C10orf53: variants seen among roughly 807,000 people sequenced by gnomAD.
C10orf53 encodes UPF0728 protein C10orf53.
A neutral mutation model predicts 9.4 loss-of-function variants in C10orf53; 8 were observed. That is an observed-to-expected ratio of 0.85 (90% CI 0.50 to 1.53). The LOEUF (loss-of-function observed/expected upper bound fraction) is 1.53. Among genes scored for constraint, C10orf53 ranks in the 40% most tolerant of loss-of-function variants. The pLI is 0.00. For missense variants in C10orf53, 117 were observed against 117.8 expected (o/e 0.99, Z 0.03); for synonymous variants, 48 against 46.0 (o/e 1.04, Z -0.18).
chr10:49,695,270 T>C lies in C10orf53; in HGVS notation c.*668T>C, dbSNP rs573496283. ...ATGTGAGATGGTTCCCTGGTCCCTC[T>C]GGAGTAGAACACAGCCCCATAGAGT... On this transcript the variant is annotated 3_prime_UTR_variant, in exon 3 of 3. Transcript: ENST00000374111. 2.6e-5 allele frequency: 4 copies of C among 152,476 alleles called. No homozygotes were observed. Among genetic ancestry groups the C allele is most frequent in the African/African-American group, 7.2e-5 (3 of 41,594 alleles). The allele number at this position is 152,476 out of a possible 1,614,324, so 9.4% of individuals were successfully genotyped here.
At chr10:49,705,167 TG>T (rs1010258277) in intron 2 of C10orf53, among the ~76,000 whole-genome samples, 24 of 152,248 alleles carry the variant, frequency 1.6e-4, no homozygotes, top group African/African-American at 5.8e-4. Flanking sequence ...AAGTATGGTG[TG>T]GAGGAATATA....
exon 3 of C10orf53, chr10:49,708,400 G>T: frequency 6.2e-7 from 1 of 1,614,156 alleles, no homozygotes; most frequent in East Asian, 2.2e-5. Context: ...ACCACCAGCA[G>T]CTCCAGGCTG....
Position 49,686,364 on chromosome 10 carries a change from G to A in C10orf53, c.97+6570G>A, listed in dbSNP as rs1382218035. ...ATTTTACAAATTGATTGTAAAATAT[G>A]TGTGTTTGAACAATATGAAATCAGT... On this transcript the variant is annotated intron_variant, in intron 1 of 2. Coordinates refer to ENST00000374111, the MANE Select transcript of C10orf53 (RefSeq NM_001042427.3). Among the ~76,000 whole-genome samples, 4 of 152,230 alleles carry A rather than the reference G, an allele frequency of 2.6e-5. No homozygotes were observed. In the East Asian group the frequency reaches 5.8e-4, roughly 22 times the overall value.
At chr10:49,702,225 AAGGG>A (rs756785421), downstream of C10orf53, among the ~76,000 whole-genome samples, 3,175 of 75,322 alleles carry the variant, frequency 0.042, 172 homozygotes, top group African/African-American at 0.12. Flanking sequence ...GGAAGGAAGG[AAGGG>A]AGGGAGGGAG....
exon 3 of C10orf53, chr10:49,709,531 A>C (rs926703943): frequency 6.6e-6 from 1 of 152,250 alleles, no homozygotes; most frequent in African/African-American, 2.4e-5. Flanking sequence ...AGTCCTTGAG[A>C]TCCTGGTTTC....
At chr10:49,697,582 T>G (rs540050968), downstream of C10orf53, among the ~76,000 whole-genome samples, 1 of 152,212 alleles carries the variant, frequency 6.6e-6, no homozygotes, top group Non-Finnish European at 1.5e-5. Flanking sequence ...GAGACAGTCT[T>G]GCTCTGTCAC....
chr10:49,687,417 C>T (rs1471518721), intron 1 of C10orf53, among the ~76,000 whole-genome samples: 1 of 152,224 alleles, frequency 6.6e-6, no homozygotes, highest in African/African-American at 2.4e-5. Flanking sequence ...CTCCTGCCTA[C>T]ATTTTTGGCA....
intron 1 of C10orf53, among the ~76,000 whole-genome samples, chr10:49,686,642 A>C (rs1464093934): frequency 6.6e-6 from 1 of 152,206 alleles, no homozygotes; most frequent in African/African-American, 2.4e-5. Context: ...TATCTGTCTT[A>C]TGCGGTTGAG....
exon 3 of C10orf53, chr10:49,708,413 A>G (rs1232641119): frequency 1.1e-5 from 17 of 1,614,032 alleles, no homozygotes; most frequent in Non-Finnish European, 1.4e-5. Context: ...CCAGGCTGAC[A>G]TTTCACCAGC....
At chr10:49,705,369 C>T (rs1371132911) in intron 2 of C10orf53, among the ~76,000 whole-genome samples, 1 of 151,930 alleles carries the variant, frequency 6.6e-6, no homozygotes, top group Non-Finnish European at 1.5e-5. Flanking sequence ...ATTATATTAC[C>T]CATTCAAAAA....
downstream of C10orf53, among the ~76,000 whole-genome samples, chr10:49,698,358 G>A (rs540310360): frequency 1.3e-5 from 2 of 152,144 alleles, no homozygotes; most frequent in Non-Finnish European, 2.9e-5. Context: ...TGAAAAATCA[G>A]CTCTCCAGGT....
chr10:49,708,794 C>T (rs1262657308), exon 3 of C10orf53: 1 of 795,310 alleles, frequency 1.3e-6, no homozygotes, highest in African/African-American at 1.7e-5. Context: ...CAACGTGATT[C>T]TCCCCAGCTC....
chr10:49,681,471 A>G (rs1840478457), intron 1 of C10orf53, among the ~76,000 whole-genome samples: 1 of 152,254 alleles, frequency 6.6e-6, no homozygotes, highest in African/African-American at 2.4e-5. Flanking sequence ...TAGGATTTCA[A>G]TCAGCAGAGG....
chr10:49,699,714 A>G (rs1440268264), downstream of C10orf53, among the ~76,000 whole-genome samples: 1 of 152,158 alleles, frequency 6.6e-6, no homozygotes, highest in South Asian at 2.1e-4. Context: ...CCACAGCTAT[A>G]GTGTGTGCAG....
chr10:49,682,270 G>A (rs565593222), intron 1 of C10orf53, among the ~76,000 whole-genome samples: 1 of 152,246 alleles, frequency 6.6e-6, no homozygotes, highest in South Asian at 2.1e-4. Flanking sequence ...TCTGTGTCCA[G>A]AATTTATTCC....
chr10:49,696,708 A>G lies in C10orf53; in HGVS notation c.*2106A>G, dbSNP rs924523904. 1.3e-5 allele frequency among the ~76,000 whole-genome samples: 2 copies of G among 152,110 alleles called. No homozygotes were observed. The highest frequency in any genetic ancestry group is 4.8e-5 in the African/African-American group (2 of 41,400). On this transcript the variant is annotated 3_prime_UTR_variant, in exon 3 of 3. Coordinates refer to ENST00000374111, the MANE Select transcript of C10orf53 (RefSeq NM_001042427.3). ...TTGGATCAGAGGCAAATGATGTCTG[A>G]ATCAGCATTGCTGGGAAAAATCACC...
rs369195025 is a variant in C10orf53, at chr10:49,697,100, G to A, written c.*2498G>A. 2.0e-5 allele frequency among the ~76,000 whole-genome samples: 3 copies of A among 152,188 alleles called. No homozygotes were observed. Among genetic ancestry groups the A allele is most frequent in the East Asian group, 3.9e-4 (2 of 5,194 alleles). ...CCCAGCTACTTGAGGGGCTGAGGCA[G>A]GAGGATCACCTGAGCCCAGGAGCTA... On this transcript the variant is annotated 3_prime_UTR_variant, in exon 3 of 3. Transcript: ENST00000374111.
chr10:49,688,612 C>T (rs1398702784), intron 1 of C10orf53, among the ~76,000 whole-genome samples: 1 of 143,558 alleles, frequency 7.0e-6, no homozygotes, highest in Non-Finnish European at 1.5e-5. Context: ...TCCTTATGGC[C>T]CCCCTGATCT....
intron 1 of C10orf53, among the ~76,000 whole-genome samples, chr10:49,680,217 GAC>G (rs1840466416): frequency 6.6e-6 from 1 of 152,218 alleles, no homozygotes; most frequent in African/African-American, 2.4e-5. Context: ...AGGGACTGAG[GAC>G]ACACTGTTAA....
Sources: allele counts gnomAD v4.1 joint callset (sites outside exome capture counted in the v4.1 genomes callset), GRCh38; gene constraint gnomAD v4.1.1; transcripts MANE v1.5; gene names NCBI Gene and HGNC (gene_info 2026-07-23, HGNC 2026-07-21).